Variants in XKR3 observed in about 807,000 individuals in gnomAD.
XKR3 encodes XK-related protein 3.
A neutral mutation model predicts 40.3 loss-of-function variants in XKR3; 27 were observed. The ratio of observed to expected loss-of-function variants is 0.67; its 90% CI spans 0.49 to 0.92. XKR3 has a LOEUF of 0.92. Ranked by LOEUF, XKR3 falls within the 40% of genes least tolerant of loss-of-function variation. XKR3 has a pLI of 0.00. For synonymous variants in XKR3, 193 were observed against 195.4 expected (o/e 0.99, Z 0.10); for missense variants, 472 against 537.6 (o/e 0.88, Z 1.21).
chr22:16,784,709 G>C (rs949558063), intron 3 of XKR3, among the ~76,000 whole-genome samples: 55 of 152,204 alleles, frequency 3.6e-4, no homozygotes, highest in African/African-American at 1.3e-3. Flanking sequence ...AAATGGAAGA[G>C]ACACATTCAG....
rs1343407223 is a variant in XKR3, at chr22:16,790,176, T to C, written c.590-5767A>G. Among the ~76,000 whole-genome samples the C allele has an allele frequency of 2.0e-5, 3 of 151,608 alleles. No homozygotes were observed. The East Asian group carries it at 5.8e-4, about 29-fold the overall frequency. ...TTAAAAACGTTTAAAAATAAATATG[T>C]AATGAAAACCCTAAACTGTCAAACC... On this transcript the variant is annotated intron_variant, in intron 3 of 3. Coordinates refer to ENST00000684488, the MANE Select transcript of XKR3 (RefSeq NM_001386955.1).
intron 3 of XKR3, among the ~76,000 whole-genome samples, chr22:16,789,949 A>C (rs773789564): frequency 3.7e-3 from 565 of 152,256 alleles, no homozygotes; most frequent in Non-Finnish European, 6.1e-3. Context: ...TCAGAACCCT[A>C]TCTCTTACTA....
chr22:16,798,125 G>T (rs746286751), intron 3 of XKR3, among the ~76,000 whole-genome samples: 3 of 150,146 alleles, frequency 2.0e-5, no homozygotes, highest in Non-Finnish European at 4.4e-5. Flanking sequence ...GGTTGCAGTG[G>T]GTCAAAATCA....
chr22:16,788,600 TA>T (rs1195176679), intron 3 of XKR3, among the ~76,000 whole-genome samples: 2 of 150,922 alleles, frequency 1.3e-5, no homozygotes, highest in Admixed American at 6.6e-5. Context: ...TGGAAAAAAA[TA>T]AAAAAAAGAA....
At chr22:16,821,514 A>T (rs2060255608) in intron 1 of XKR3, 1 of 150,046 alleles carries the variant, frequency 6.7e-6, no homozygotes, top group Non-Finnish European at 1.5e-5. Flanking sequence ...AAACAGGTAC[A>T]ACTGATGAGA....
chr22:16,802,731 G>A lies in XKR3; in HGVS notation c.336-2707C>T, dbSNP rs868816979. Reference sequence around the variant, plus strand: ...TCTCGATCTCTTGACCTTGTGATCTGCCTGCCTGGGACTCCCAAAGTGCTG... The same window carrying A: ...TCTCGATCTCTTGACCTTGTGATCTACCTGCCTGGGACTCCCAAAGTGCTG... On this transcript the variant is annotated intron_variant, in intron 2 of 3. Coordinates refer to ENST00000684488, the MANE Select transcript of XKR3 (RefSeq NM_001386955.1). Among the ~76,000 whole-genome samples, 11 of 152,168 alleles carry A rather than the reference G, an allele frequency of 7.2e-5. No homozygotes were observed. The South Asian group carries it at 1.0e-3, about 14-fold the overall frequency.
intron 1 of XKR3, among the ~76,000 whole-genome samples, chr22:16,814,527 T>TGGTAGAG (rs1293742408): frequency 5.3e-5 from 8 of 152,298 alleles, no homozygotes; most frequent in African/African-American, 1.7e-4. Context: ...ACCTGGGATT[T>TGGTAGAG]GGTAGAGACT....
intron 1 of XKR3, among the ~76,000 whole-genome samples, chr22:16,823,246 A>G (rs560637829): frequency 6.6e-6 from 1 of 152,322 alleles, no homozygotes; most frequent in South Asian, 2.1e-4. Flanking sequence ...TACAATGATA[A>G]CATCATTAGA....
At chr22:16,815,545 T>G (rs988585062) in intron 1 of XKR3, among the ~76,000 whole-genome samples, 1 of 152,064 alleles carries the variant, frequency 6.6e-6, no homozygotes, top group Non-Finnish European at 1.5e-5. Context: ...TATCTAAAAC[T>G]TGTTGAGATC....
At chr22:16,816,210 C>A (rs2060232511) in intron 1 of XKR3, among the ~76,000 whole-genome samples, 1 of 151,466 alleles carries the variant, frequency 6.6e-6, no homozygotes, top group African/African-American at 2.4e-5. Flanking sequence ...TTTTATTTAC[C>A]CAAGATTTTC....
chr22:16,813,066 C>T (rs1210979707), intron 1 of XKR3, among the ~76,000 whole-genome samples: 6 of 152,100 alleles, frequency 3.9e-5, no homozygotes, highest in African/African-American at 4.8e-5. Flanking sequence ...GGGTGGATCA[C>T]GAGGTCAGGA....
At chr22:16,825,233 G>C (rs1388396692) in intron 1 of XKR3, among the ~76,000 whole-genome samples, 58 bp downstream of exon 1, 1 of 152,184 alleles carries the variant, frequency 6.6e-6, no homozygotes, top group African/African-American at 2.4e-5. Context: ...GAGACAGGCA[G>C]AGGTCAAGGT....
chr22:16,803,784 T>C lies in XKR3; in HGVS notation c.336-3760A>G, dbSNP rs142383494. Among the ~76,000 whole-genome samples the C allele has an allele frequency of 2.7e-4, 41 of 152,296 alleles. No homozygotes were observed. In the East Asian group the frequency reaches 7.5e-3, roughly 28 times the overall value. ...AAGGGCTAAAAAGGGGAGGCATGAA[T>C]AATCCACCCCTTGTTTAGCATACCA... On this transcript the variant is annotated intron_variant, in intron 2 of 3. Transcript: ENST00000684488.
At chr22:16,792,376 C>T (rs1229269605) in intron 3 of XKR3, among the ~76,000 whole-genome samples, 5 of 152,212 alleles carry the variant, frequency 3.3e-5, no homozygotes, top group Admixed American at 6.5e-5. Flanking sequence ...CACAAATACA[C>T]GCAGTCTACA....
intron 1 of XKR3, among the ~76,000 whole-genome samples, chr22:16,812,576 G>C (rs1463246257): frequency 6.6e-6 from 1 of 152,130 alleles, no homozygotes; most frequent in Non-Finnish European, 1.5e-5. Flanking sequence ...TCAGGAGGCT[G>C]AGATAGGAGA....
intron 3 of XKR3, among the ~76,000 whole-genome samples, chr22:16,789,377 C>CA (rs1227868458): frequency 3.3e-5 from 5 of 151,254 alleles, no homozygotes; most frequent in South Asian, 2.1e-4. Context: ...AAAATGTCTA[C>CA]AAAAAAAACC....
chr22:16,805,566 T>C (rs1222486018), intron 2 of XKR3, among the ~76,000 whole-genome samples: 4 of 152,296 alleles, frequency 2.6e-5, no homozygotes, highest in Middle Eastern at 3.4e-3. Context: ...TTATTATTAT[T>C]CACAATATTT....
At chr22:16,810,648 A>G (rs1188704937) in intron 1 of XKR3, among the ~76,000 whole-genome samples, 1 of 152,140 alleles carries the variant, frequency 6.6e-6, no homozygotes, top group Non-Finnish European at 1.5e-5. Context: ...AGTTACAGGA[A>G]AGATCAACAC....
At chr22:16,805,454 A>T (rs1360877446) in intron 2 of XKR3, among the ~76,000 whole-genome samples, 1 of 152,170 alleles carries the variant, frequency 6.6e-6, no homozygotes, top group African/African-American at 2.4e-5. Flanking sequence ...ACATCACAGG[A>T]CCGTGAGTTG....
Sources: allele counts gnomAD v4.1 joint callset (sites outside exome capture counted in the v4.1 genomes callset), GRCh38; gene constraint gnomAD v4.1.1; transcripts MANE v1.5; gene names NCBI Gene and HGNC (gene_info 2026-07-23, HGNC 2026-07-21).